The following PSMG2 variants were observed in gnomAD, a reference collection of about 807,000 sequenced individuals.
PSMG2 encodes proteasome assembly chaperone 2, also known as CD40 ligand-activated specific transcript 3.
A neutral mutation model predicts 31.5 loss-of-function variants in PSMG2; 21 were observed. That is an observed-to-expected ratio of 0.67 (90% CI 0.47 to 0.96). The LOEUF (loss-of-function observed/expected upper bound fraction) is 0.96. Among genes scored for constraint, PSMG2 ranks in the 40% least tolerant of loss-of-function variants. The pLI is 0.00. For synonymous variants in PSMG2, 120 were observed against 110.4 expected (o/e 1.09, Z -0.54); for missense variants, 318 against 321.2 (o/e 0.99, Z 0.08).
chr18:12,696,667 A>G (rs888736907), intron 1 of PSMG2, among the ~76,000 whole-genome samples: 1 of 152,184 alleles, frequency 6.6e-6, no homozygotes, highest in African/African-American at 2.4e-5. Flanking sequence ...TATGTGTTAC[A>G]TAGCGGGCAG....
chr18:12,695,347 T>A, intron 1 of PSMG2: 1 of 1,467,776 alleles, frequency 6.8e-7, no homozygotes, highest in Non-Finnish European at 9.4e-7. Context: ...CTTTTGATTC[T>A]GTGCCTATAA....
At chr18:12,690,041 G>A (rs1002105507) in intron 1 of PSMG2, among the ~76,000 whole-genome samples, 9 of 152,104 alleles carry the variant, frequency 5.9e-5, no homozygotes, top group African/African-American at 2.2e-4. Flanking sequence ...CACCTGCCTC[G>A]GCCTCCCCAA....
At chr18:12,678,155 T>C in intron 1 of PSMG2, 2 of 1,614,006 alleles carry the variant, frequency 1.2e-6, no homozygotes, top group Non-Finnish European at 1.7e-6. Flanking sequence ...TTCAATTTCA[T>C]TACTTGTTAC....
At chr18:12,695,611 A>G (rs369267363) in intron 1 of PSMG2, among the ~76,000 whole-genome samples, 22 of 151,342 alleles carry the variant, frequency 1.5e-4, no homozygotes, top group African/African-American at 3.9e-4. Context: ...GGGTCTCCCT[A>G]TGTTATTCAG....
chr18:12,660,381 C>CCG (rs1268308968), intron 1 of PSMG2, among the ~76,000 whole-genome samples: 2 of 150,160 alleles, frequency 1.3e-5, no homozygotes, highest in Non-Finnish European at 2.9e-5. Context: ...AGGGTCAGTG[C>CCG]CGCGATTTCA....
chr18:12,723,641 C>G (rs1048520633), intron 5 of PSMG2, among the ~76,000 whole-genome samples: 16 of 152,114 alleles, frequency 1.1e-4, no homozygotes, highest in African/African-American at 3.6e-4. Flanking sequence ...ATTTGCCCAC[C>G]TCGGCCTCCC....
intron 1 of PSMG2, among the ~76,000 whole-genome samples, chr18:12,673,740 G>A (rs2039015246): frequency 1.3e-5 from 2 of 152,062 alleles, no homozygotes; most frequent in South Asian, 2.1e-4. Context: ...AATTAGCCGC[G>A]TGTGGTGGCG....
At chr18:12,707,883 A>G (rs1347702588) in intron 2 of PSMG2, among the ~76,000 whole-genome samples, 1 of 152,180 alleles carries the variant, frequency 6.6e-6, no homozygotes. Context: ...TGTACATTTG[A>G]GAAATGACCT....
chr18:12,659,706 G>A (rs1181007789), intron 1 of PSMG2, among the ~76,000 whole-genome samples: 1 of 151,344 alleles, frequency 6.6e-6, no homozygotes, highest in East Asian at 1.9e-4. Context: ...GGAGAAGAAA[G>A]CTCCCCAGGC....
At position 12,710,099 on chromosome 18, in the gene PSMG2, C is replaced by T. The variant is rs138800201; in HGVS notation, c.230-2603C>T. Among the ~76,000 whole-genome samples the T allele has an allele frequency of 8.1e-4, 123 of 152,150 alleles. 1 individual carries two copies. Among genetic ancestry groups the T allele is most frequent in the African/African-American group, 2.7e-3 (112 of 41,504 alleles). On this transcript the variant is annotated intron_variant, in intron 2 of 6. Coordinates refer to ENST00000317615, the MANE Select transcript of PSMG2 (RefSeq NM_020232.5). ...CTGGGACTACAGACACCCGCCATCA[C>T]GCCCGGCTACTTTTTTTGTATTTTT... is the stretch of plus-strand genomic sequence containing the variant.
In PSMG2 at chr18:12,678,249, C is replaced by T. The variant is rs2039215752; in HGVS notation, c.-37+19476C>T. 2 of 1,614,016 alleles carry T rather than the reference C, an allele frequency of 1.2e-6. No individual in the cohort carries two copies. The highest frequency in any genetic ancestry group is 1.3e-5 in the African/African-American group (1 of 74,914). On this transcript the variant is annotated intron_variant, in intron 1 of 6. Coordinates refer to the PSMG2 transcript ENST00000585331. ...CCAGGAGCACACACAGATTTAATTG[C>T]TTCCTCACTCATGGGTTTCCATTTG...
At chr18:12,694,254 ATTGT>A (rs2039870486) in intron 1 of PSMG2, among the ~76,000 whole-genome samples, 1 of 152,212 alleles carries the variant, frequency 6.6e-6, no homozygotes, top group South Asian at 2.1e-4. Context: ...AGGGCAGGAC[ATTGT>A]TTGCCTGAGG....
chr18:12,716,495 G>A (rs1329558087), intron 3 of PSMG2, among the ~76,000 whole-genome samples: 1 of 149,324 alleles, frequency 6.7e-6, no homozygotes, highest in South Asian at 2.1e-4. Flanking sequence ...CTGGGTTCAC[G>A]CCACTCTCCT....
rs2040218642 is a variant in PSMG2, at chr18:12,703,287, C to T, written c.57+123C>T. The T allele has an allele frequency of 9.3e-6, 11 of 1,177,596 alleles. No individual in the cohort carries two copies. The South Asian group carries it at 1.3e-4, about 14-fold the overall frequency. The allele number at this position is 1,177,596 out of a possible 1,614,324, so 72.9% of individuals were successfully genotyped here. ...GGCACTAGTTTCTATTTCATGTTTT[C>T]GGCCGGAAAAAACAGGGAGGTTGTA... On this transcript the variant is annotated intron_variant, in intron 1 of 6. Transcript: ENST00000317615.
At chr18:12,710,068 A>G (rs1057209065) in intron 2 of PSMG2, among the ~76,000 whole-genome samples, 1 of 150,574 alleles carries the variant, frequency 6.6e-6, no homozygotes, top group African/African-American at 2.5e-5. Flanking sequence ...TCAGCCTCCC[A>G]AGTAGCTGGG....
intron 1 of PSMG2, among the ~76,000 whole-genome samples, chr18:12,667,890 A>ATTTTTTT: frequency 6.8e-6 from 1 of 147,544 alleles, no homozygotes; most frequent in African/African-American, 2.5e-5. Flanking sequence ...AGAAAGCAGT[A>ATTTTTTT]AGGGAGAAAC....
In PSMG2 at chr18:12,703,119, C is replaced by T. The variant is rs750808603; in HGVS notation, c.12C>T (p.Pro4=). The change falls in exon 1 of 7, where the codon CCC becomes CCT. Residue 4 remains proline, a synonymous_variant. Coordinates refer to ENST00000317615, the MANE Select transcript of PSMG2 (RefSeq NM_020232.5). MFV[P]CGESAPDLAG... is the part of the protein sequence containing the mutation. ...ACCCCACTGCGACCATGTTCGTTCC[C>T]TGCGGGGAGTCGGCCCCCGACCTTG... is the stretch of plus-strand genomic sequence containing the variant. 1.9e-6 allele frequency: 3 copies of T among 1,612,618 alleles called. No individual in the cohort carries two copies. The highest frequency in any genetic ancestry group is 2.2e-5 in the South Asian group (2 of 90,756).
chr18:12,678,071 A>G, intron 1 of PSMG2: 1 of 1,516,676 alleles, frequency 6.6e-7, no homozygotes, highest in Non-Finnish European at 9.1e-7. Context: ...CATAAATGAA[A>G]AGAAGTATGA....
rs1277944859 is a variant in PSMG2, at chr18:12,659,644, TG to T, written c.-37+876del. Among the ~76,000 whole-genome samples the T allele has an allele frequency of 2.6e-5, 4 of 152,190 alleles. No individual in the cohort carries two copies. The East Asian group carries it at 7.7e-4, about 29-fold the overall frequency. On this transcript the variant is annotated intron_variant, in intron 1 of 6. Transcript: ENST00000585331. ...AAGATCACACCACTGCACTCCAGCC[TG>T]GGGGACAGAGCGAGAGTCTGTCTCA...
Sources: allele counts gnomAD v4.1 joint callset (sites outside exome capture counted in the v4.1 genomes callset), GRCh38; gene constraint gnomAD v4.1.1; transcripts MANE v1.5; gene names NCBI Gene and HGNC (gene_info 2026-07-23, HGNC 2026-07-21).